The following ZC3H7B variants were observed in gnomAD, a reference collection of about 807,000 sequenced individuals.
ZC3H7B encodes the protein zinc finger CCCH-type containing 7B, also known as zinc finger CCCH domain-containing protein 7B.
A neutral mutation model predicts 116.0 loss-of-function variants in ZC3H7B; 35 were observed. That is an observed-to-expected ratio of 0.30 (90% CI 0.23 to 0.40). The LOEUF is 0.40. Among genes scored for constraint, ZC3H7B ranks in the 10% least tolerant of loss-of-function variants. The pLI is 1.00. For synonymous variants in ZC3H7B, 502 were observed against 545.6 expected (o/e 0.92, Z 1.11); for missense variants, 1,011 against 1,321.5 (o/e 0.77, Z 3.64).
chr22:41,325,451 C>A, intron 2 of ZC3H7B, 113 bp from the exon 3 acceptor site: 4 of 1,406,972 alleles, frequency 2.8e-6, no homozygotes, highest in South Asian at 2.5e-5. Context: ...GCAGTCTGTT[C>A]ACCCTAGTCC....
intron 7 of ZC3H7B, 113 bp downstream of exon 7, chr22:41,332,340 C>T (rs1473303414): frequency 7.9e-7 from 1 of 1,269,994 alleles, no homozygotes; most frequent in East Asian, 2.3e-5. Context: ...CTCCGCCTCC[C>T]TAGGAGGTAC....
intron 17 of ZC3H7B, among the ~76,000 whole-genome samples, chr22:41,355,059 G>A (rs369643095): frequency 2.0e-5 from 3 of 152,220 alleles, no homozygotes; most frequent in Non-Finnish European, 2.9e-5. Context: ...GGAGAGCTCC[G>A]GGGCAGGCTT....
chr22:41,332,036 TG>T, intron 6 of ZC3H7B, 134 bp from the exon 7 acceptor site: 2 of 872,416 alleles, frequency 2.3e-6, no homozygotes, highest in Non-Finnish European at 3.6e-6. Context: ...CCGGCAGGCC[TG>T]GGGACAGGGA....
chr22:41,317,595 G>T (rs1381350344), intron 1 of ZC3H7B, among the ~76,000 whole-genome samples: 2 of 151,704 alleles, frequency 1.3e-5, no homozygotes, highest in African/African-American at 4.8e-5. Context: ...TTCGAGACCA[G>T]CCTGGGCAAC....
At position 41,346,052 on chromosome 22, in the gene ZC3H7B, C is replaced by A. The variant is rs768135383; in HGVS notation, c.1509C>A (p.Ala503=). The A allele has an allele frequency of 8.7e-6, 14 of 1,614,124 alleles. No homozygotes were observed. The highest frequency in any genetic ancestry group is 1.2e-5 in the Non-Finnish European group (14 of 1,180,028). The stretch of plus-strand genomic sequence containing the variant: ...AGTACGGGGATAACTGCACCTTCGC[C>A]TACCATCAGGAGGAGATCGACGTGT... ...DCKYGDNCTF[A]YHQEEIDVWT... The change falls in exon 14 of 23, where the codon GCC becomes GCA. Residue 503 remains alanine, a synonymous_variant. Transcript: ENST00000352645. The surrounding 1 kb of genome is among the most constrained non-coding windows in gnomAD (Gnocchi z 5.3).
At chr22:41,313,722 T>G (rs1285036754) in intron 1 of ZC3H7B, among the ~76,000 whole-genome samples, 2 of 152,072 alleles carry the variant, frequency 1.3e-5, no homozygotes, top group Non-Finnish European at 2.9e-5. Flanking sequence ...GGGTGAAAAT[T>G]GGCATCTTGT....
rs1431625996 is a variant in ZC3H7B at position 41,357,258 on chromosome 22, C to T, written c.2763C>T (p.Asp921=). 1.9e-6 allele frequency: 3 copies of T among 1,613,602 alleles called. No individual in the cohort carries two copies. Among genetic ancestry groups the T allele is most frequent in the Non-Finnish European group, 2.5e-6 (3 of 1,179,998 alleles). The stretch of plus-strand genomic sequence containing the variant: ...AGGAGGAGCTCAACGAGTGGCTGGA[C>T]CGGCGCGAGGTGCTGAAGCAGAAGT... The part of the protein sequence containing the change: ...HGQEELNEWL[D]RREVLKQKLA... The change falls in exon 23 of 23, where the codon GAC becomes GAT. Residue 921 remains aspartate, a synonymous_variant. Coordinates refer to ENST00000352645, the MANE Select transcript of ZC3H7B (RefSeq NM_017590.6). This position sits in a 1 kb window ranked among gnomAD's most constrained non-coding sequence, Gnocchi z 5.4.
intron 17 of ZC3H7B, among the ~76,000 whole-genome samples, chr22:41,353,699 G>A (rs1036736397): frequency 2.0e-5 from 3 of 152,234 alleles, no homozygotes; most frequent in Non-Finnish European, 2.9e-5. Flanking sequence ...AGGGAGCAGG[G>A]CAGGCTGCCG....
chr22:41,340,182 A>T (rs555356059), intron 10 of ZC3H7B, 45 bp downstream of exon 10: 2 of 1,547,340 alleles, frequency 1.3e-6, no homozygotes, highest in Middle Eastern at 1.7e-4. Flanking sequence ...GACAGGTTGC[A>T]CAGTGCTGTG....
intron 2 of ZC3H7B, among the ~76,000 whole-genome samples, chr22:41,324,200 G>A (rs986478699): frequency 6.6e-6 from 1 of 152,204 alleles, no homozygotes; most frequent in Non-Finnish European, 1.5e-5. Context: ...AGAGGAGACA[G>A]ACACTGCAGC....
At chr22:41,318,295 C>T (rs1451870950) in intron 1 of ZC3H7B, among the ~76,000 whole-genome samples, 6 of 151,808 alleles carry the variant, frequency 4.0e-5, no homozygotes, top group Admixed American at 6.6e-5. Flanking sequence ...TTTGGGAGGC[C>T]GAGGCGGGCA....
chr22:41,348,014 A>T lies in ZC3H7B; in HGVS notation c.1666-53A>T, dbSNP rs1383941214. 12 of 1,512,870 alleles carry T rather than the reference A, an allele frequency of 7.9e-6. No individual in the cohort carries two copies. In the Admixed American group the frequency reaches 1.7e-4, roughly 21 times the overall value. The allele number at this position is 1,512,870 out of a possible 1,614,324, so 93.7% of individuals were successfully genotyped here. Reference sequence around the variant, plus strand: ...AGCTAGCTGTGTGGGGTCCCAGCTCACCCCCTTCCCAGGTGGCCATGCCAG... The same window carrying T: ...AGCTAGCTGTGTGGGGTCCCAGCTCTCCCCCTTCCCAGGTGGCCATGCCAG... On this transcript the variant is annotated intron_variant, in intron 14 of 22. Coordinates refer to ENST00000352645, the MANE Select transcript of ZC3H7B (RefSeq NM_017590.6).
intron 4 of ZC3H7B, among the ~76,000 whole-genome samples, 198 bp downstream of exon 4, chr22:41,326,116 A>C (rs567389314): frequency 6.6e-6 from 1 of 152,320 alleles, no homozygotes; most frequent in African/African-American, 2.4e-5. Context: ...TTTTAAAAGT[A>C]CGGATGCATA....
chr22:41,344,468 C>T (rs1007381628), intron 13 of ZC3H7B, among the ~76,000 whole-genome samples: 1 of 152,220 alleles, frequency 6.6e-6, no homozygotes, highest in Non-Finnish European at 1.5e-5. Flanking sequence ...TCCCCAAATG[C>T]ACTGACCCTC....
In ZC3H7B at chr22:41,346,301, C is replaced by T; in HGVS notation, c.1665+93C>T. ...CACGGACCACCATAGGAAGTCAGCC[C>T]TGGAACCCGTGGGCTGTGGAGGCCT... On this transcript the variant is annotated intron_variant, in intron 14 of 22. Coordinates refer to ENST00000352645, the MANE Select transcript of ZC3H7B (RefSeq NM_017590.6). The surrounding 1 kb of genome is among the most constrained non-coding windows in gnomAD (Gnocchi z 5.3). 1 of 1,433,606 alleles carries T rather than the reference C, an allele frequency of 7.0e-7. No individual in the cohort carries two copies. The allele number at this position is 1,433,606 out of a possible 1,614,324, so 88.8% of individuals were successfully genotyped here. A position where few individuals can be genotyped will look rare whatever the true frequency, so the allele number is the denominator to read the frequency against.
intron 7 of ZC3H7B, chr22:41,333,292 G>A (rs1182141026): frequency 1.3e-5 from 2 of 152,186 alleles, no homozygotes; most frequent in Non-Finnish European, 2.9e-5. Flanking sequence ...CTGCAAAGTA[G>A]GCAGTTGATG....
Position 41,322,904 on chromosome 22 carries a change from T to G in ZC3H7B, c.53+2191T>G, listed in dbSNP as rs559028846. ...ACCTCAGCCTCCCACGTAGCTGGGA[T>G]TGCAGGCGCGTGCTGCTGTGCCCAG... On this transcript the variant is annotated intron_variant, in intron 2 of 22. Coordinates refer to ENST00000352645, the MANE Select transcript of ZC3H7B (RefSeq NM_017590.6). Among the ~76,000 whole-genome samples, 3 of 152,304 alleles carry G rather than the reference T, an allele frequency of 2.0e-5. No homozygotes were observed. In the South Asian group the frequency reaches 6.2e-4, roughly 32 times the overall value.
In ZC3H7B at chr22:41,330,132, C is replaced by T. The variant is rs764231742; in HGVS notation, c.525+29C>T. ...GGTGGGTTCGGGACCCTGGGAGGGT[C>T]GGTGTGGACGTGAGGAGGTCTGAAG... On this transcript the variant is annotated intron_variant, in intron 6 of 22. Transcript: ENST00000352645. The T allele has an allele frequency of 3.0e-5, 48 of 1,612,032 alleles. No individual in the cohort carries two copies. The South Asian group carries it at 4.5e-4, about 15-fold the overall frequency.
intron 1 of ZC3H7B, among the ~76,000 whole-genome samples, chr22:41,312,843 C>T (rs898935950): frequency 3.3e-5 from 5 of 151,948 alleles, no homozygotes. Flanking sequence ...CCTGGGAGGT[C>T]GAGTTTGAAG....
Sources: allele counts gnomAD v4.1 joint callset (sites outside exome capture counted in the v4.1 genomes callset), GRCh38; gene constraint gnomAD v4.1.1; non-coding constraint Gnocchi (gnomAD v3.1); transcripts MANE v1.5; gene names NCBI Gene and HGNC (gene_info 2026-07-23, HGNC 2026-07-21).